The following MTRR variants were observed in gnomAD, a reference collection of about 807,000 sequenced individuals.
MTRR encodes methionine synthase reductase.
In MTRR, 63 loss-of-function variants were observed where a neutral mutation model predicts 79.2. The observed-to-expected ratio is 0.80, with a 90% CI of 0.65 to 0.98. The LOEUF (loss-of-function observed/expected upper bound fraction) is 0.98. MTRR is among the 50% of genes least tolerant of loss of function. The probability of loss-of-function intolerance (pLI) is 0.00; values close to 1 mark genes in which losing one functional copy is unlikely to be tolerated. For missense variants in MTRR, 895 were observed against 839.6 expected, an observed-to-expected ratio of 1.07 and a Z score of -0.82; for synonymous variants, 355 against 313.3, an observed-to-expected ratio of 1.13 and a Z score of -1.41.
Position 7,897,113 on chromosome 5 carries a change from G to T in MTRR, c.1818G>T (p.Lys606Asn), listed in dbSNP as rs939239779. ...FLKHGILTHL[K>N]VSFSRDAPVG... ...AGCATGGGATCTTAACTCATCTAAAGGTTTCCTTCTCAAGAGATGCTCCTG... is the reference window on the plus strand; with the variant it reads ...AGCATGGGATCTTAACTCATCTAAATGTTTCCTTCTCAAGAGATGCTCCTG... Residue 606 changes from lysine (K) to asparagine (N), a missense_variant, in exon 14 of 15, where the codon AAG (lysine) becomes AAT (asparagine). Lys to Asn is a moderately conservative substitution (Grantham distance 94). Coordinates refer to ENST00000440940, the MANE Select transcript of MTRR (RefSeq NM_002454.3). The T allele has an allele frequency of 6.8e-6, 11 of 1,614,008 alleles. No homozygotes were observed. The highest frequency in any genetic ancestry group is 1.7e-5 in the Admixed American group (1 of 60,000).
At chr5:7,878,939 T>TA (rs1735053614) in intron 5 of MTRR, among the ~76,000 whole-genome samples, 1 of 152,242 alleles carries the variant, frequency 6.6e-6, no homozygotes, top group African/African-American at 2.4e-5. Flanking sequence ...ACCACACCCT[T>TA]ACTGCAGCTA....
intron 14 of MTRR, 151 bp from the exon 15 acceptor site, chr5:7,899,763 G>T: frequency 9.4e-7 from 1 of 1,066,118 alleles, no homozygotes. Context: ...GCCTGGGCAT[G>T]AGTGAGGCTG....
In MTRR at chr5:7,869,316, G is replaced by A. The variant is rs1747434790; in HGVS notation, c.-26+101G>A. The A allele has an allele frequency of 4.2e-6, 6 of 1,439,100 alleles. No individual in the cohort carries two copies. The East Asian group carries it at 1.2e-4, about 28-fold the overall frequency. 89.1% of individuals were successfully genotyped at this position (1,439,100 alleles called of 1,614,324 possible). ...GGGCGGGGGTGGGCAGCCGGCTTGCGCCCGTGGTTCCCACGCCCTTCGGCC... is the reference window on the plus strand; with the variant it reads ...GGGCGGGGGTGGGCAGCCGGCTTGCACCCGTGGTTCCCACGCCCTTCGGCC... On this transcript the variant is annotated intron_variant, in intron 1 of 14. Coordinates refer to ENST00000440940, the MANE Select transcript of MTRR (RefSeq NM_002454.3).
rs1249803440 is a variant in MTRR, at chr5:7,900,055, A to G, written c.2094A>G (p.Ser698=). The stretch of plus-strand genomic sequence containing the variant: ...AACGCTACCTTCAGGATATTTGGTC[A>G]TAAAACCAGAAATTAAAGAAAGAGG... ...EEKRYLQDIW[S] is the part of the protein sequence containing the mutation. The change falls in exon 15 of 15, where the codon TCA becomes TCG. Residue 698 remains serine, a synonymous_variant. Coordinates refer to ENST00000440940, the MANE Select transcript of MTRR (RefSeq NM_002454.3). The G allele has an allele frequency of 1.9e-6, 3 of 1,613,190 alleles. No homozygotes were observed. Among genetic ancestry groups the G allele is most frequent in the Admixed American group, 3.3e-5 (2 of 59,860 alleles).
chr5:7,858,467 G>A (rs1434752049), intron 1 of MTRR, among the ~76,000 whole-genome samples: 1 of 152,066 alleles, frequency 6.6e-6, no homozygotes, highest in African/African-American at 2.4e-5. Context: ...TGCTTCCATT[G>A]CCTCTCTCTT....
At chr5:7,867,981 T>C, upstream of MTRR, 1 of 1,614,154 alleles carries the variant, frequency 6.2e-7, no homozygotes, top group Non-Finnish European at 8.5e-7. Flanking sequence ...TTGACTACCT[T>C]GTGAACATGA....
intron 10 of MTRR, among the ~76,000 whole-genome samples, chr5:7,892,133 G>A (rs981365269): frequency 3.9e-5 from 6 of 152,278 alleles, no homozygotes; most frequent in South Asian, 2.1e-4. Flanking sequence ...CCGTTTTCCC[G>A]TCTGGCTCTC....
chr5:7,899,925 A>T lies in MTRR; in HGVS notation c.1964A>T (p.Asn655Ile). Residue 655 changes from asparagine (N) to isoleucine (I), a missense_variant, in exon 15 of 15, where the codon AAT becomes ATT. Asn to Ile is a moderately radical substitution (Grantham distance 149, BLOSUM62 -3). Transcript: ENST00000440940. ...GHIYVCGDAKNMAKDVHDALV... is the reference protein window; with the variant it reads ...GHIYVCGDAKIMAKDVHDALV... The stretch of plus-strand genomic sequence containing the variant: ...ATTTTCTTTTCTAGAGATGCAAAGA[A>T]TATGGCCAAGGATGTACATGATGCC... 6.2e-7 allele frequency: 1 copy of T among 1,614,220 alleles called. No individual in the cohort carries two copies. The highest frequency in any genetic ancestry group is 2.2e-5 in the East Asian group (1 of 44,876).
intron 1 of MTRR, among the ~76,000 whole-genome samples, chr5:7,860,693 G>GA (rs1435516868): frequency 6.6e-6 from 1 of 152,228 alleles, no homozygotes; most frequent in East Asian, 1.9e-4. Flanking sequence ...GCCTGTGCCT[G>GA]AAAAATCCCT....
At position 7,889,267 on chromosome 5, in the gene MTRR, TC is replaced by T; in HGVS notation, c.1321del (p.Leu441CysfsTer101). On this transcript the variant is annotated frameshift_variant, in exon 9 of 15. Transcript: ENST00000440940. LOFTEE classifies it high-confidence loss of function. Reference protein sequence around the residue: ...AFPSCQPPLSLLLEHLPKLQP... With the variant: ...AFPSCQPPLSXLLEHLPKLQP... ...CCTTCTTGCCAGCCACCACTCAGTC[TC>T]CTGCTCGGTGAGTAGTCGCTTTCAC... 1 of 1,612,686 alleles carries T rather than the reference TC, an allele frequency of 6.2e-7. No individual in the cohort carries two copies. The highest frequency in any genetic ancestry group is 1.3e-5 in the African/African-American group (1 of 75,016).
chr5:7,897,331 A>G, intron 14 of MTRR, 84 bp downstream of exon 14: 1 of 1,348,576 alleles, frequency 7.4e-7, no homozygotes, highest in South Asian at 1.2e-5. Context: ...GAAGCCAATA[A>G]TCTAGATATG....
At chr5:7,895,353 G>A (rs3776457) in intron 11 of MTRR, among the ~76,000 whole-genome samples, 37,429 of 151,846 alleles carry the variant, frequency 0.25, 5,611 homozygotes, top group Non-Finnish European at 0.34. Flanking sequence ...CAACCTCATC[G>A]TGATGCTAAT....
At chr5:7,891,492 T>C (rs1278462478) in intron 10 of MTRR, 78 bp downstream of exon 10, 1 of 1,237,620 alleles carries the variant, frequency 8.1e-7, no homozygotes, top group Non-Finnish European at 1.2e-6. Context: ...CATTAGAGTT[T>C]ACTAATTTAT....
intron 8 of MTRR, among the ~76,000 whole-genome samples, chr5:7,887,116 C>G (rs1736621458): frequency 6.6e-6 from 1 of 152,116 alleles, no homozygotes; most frequent in Non-Finnish European, 1.5e-5. Context: ...TAGGATTCCC[C>G]CCAACCACCA....
intron 1 of MTRR, among the ~76,000 whole-genome samples, chr5:7,857,055 G>T (rs1746267086): frequency 6.6e-6 from 1 of 152,088 alleles, no homozygotes; most frequent in African/African-American, 2.4e-5. Context: ...CCAAAGTCCT[G>T]AACTTTGCTG....
chr5:7,858,586 G>A (rs1746326861), intron 1 of MTRR, among the ~76,000 whole-genome samples: 1 of 152,264 alleles, frequency 6.6e-6, no homozygotes, highest in African/African-American at 2.4e-5. Flanking sequence ...AAACCATGAT[G>A]GGGTAGACGT....
chr5:7,873,665 T>C (rs1275953346), intron 3 of MTRR, 139 bp downstream of exon 3: 2 of 977,744 alleles, frequency 2.0e-6, no homozygotes, highest in Non-Finnish European at 1.5e-6. Flanking sequence ...TATATATAAA[T>C]GTATGTAATG....
Position 7,889,123 on chromosome 5 carries a change from C to CA in MTRR, c.1175_1176insA (p.Ser393GlnfsTer2), listed in dbSNP as rs1737118486. On this transcript the variant is annotated frameshift_variant, in exon 9 of 15. Coordinates refer to ENST00000440940, the MANE Select transcript of MTRR (RefSeq NM_002454.3). LOFTEE classifies it high-confidence loss of function. Reference sequence around the variant, plus strand: ...TTTTTGCGAGCCCTTGTGGACTATACCAGTGACAGTGCTGAAAAGCGCAGG... The same window carrying CA: ...TTTTTGCGAGCCCTTGTGGACTATACACAGTGACAGTGCTGAAAAGCGCAGG... The CA allele has an allele frequency of 6.2e-7, 1 of 1,614,004 alleles. No individual in the cohort carries two copies. Among genetic ancestry groups the CA allele is most frequent in the Non-Finnish European group, 8.5e-7 (1 of 1,179,998 alleles).
chr5:7,878,619 C>G (rs959276494), intron 5 of MTRR, among the ~76,000 whole-genome samples: 1 of 152,236 alleles, frequency 6.6e-6, no homozygotes, highest in African/African-American at 2.4e-5. Flanking sequence ...CCAGGTATTA[C>G]AAAAGGTCTT....
Sources: gnomAD v4.1 joint callset for allele counts (sites outside exome capture counted in the v4.1 genomes callset) on GRCh38, gnomAD v4.1.1 for gene constraint, MANE v1.5 for transcripts, NCBI Gene and HGNC (gene_info 2026-07-23, HGNC 2026-07-21) for gene names.